MERTK: variants seen among roughly 807,000 people sequenced by gnomAD.
The protein encoded by MERTK is MER proto-oncogene, tyrosine kinase, also known as tyrosine-protein kinase Mer.
A neutral mutation model predicts 99.3 loss-of-function variants in MERTK; 69 were observed. That is an observed-to-expected ratio of 0.70 (90% CI 0.57 to 0.85). The LOEUF (loss-of-function observed/expected upper bound fraction) is 0.85. Among genes scored for constraint, MERTK ranks in the 40% least tolerant of loss-of-function variants. The pLI is 0.00. For missense variants in MERTK, 1,125 were observed against 1,249.4 expected (o/e 0.90, Z 1.50); for synonymous variants, 426 against 467.6 (o/e 0.91, Z 1.15).
At chr2:112,018,447 A>T (rs973465930) in intron 15 of MERTK, among the ~76,000 whole-genome samples, 8 of 152,340 alleles carry the variant, frequency 5.3e-5, no homozygotes, top group African/African-American at 1.9e-4. Context: ...AGATTAAGAC[A>T]TTTCATTTAT....
chr2:111,988,564 T>C (rs937380391), intron 8 of MERTK, among the ~76,000 whole-genome samples: 2 of 152,218 alleles, frequency 1.3e-5, no homozygotes, highest in Admixed American at 6.5e-5. Context: ...ACCTTGAACA[T>C]GATATAAGAA....
chr2:112,026,023 A>T (rs1677453749), intron 18 of MERTK: 1 of 153,106 alleles, frequency 6.5e-6, no homozygotes, highest in Admixed American at 6.5e-5. Flanking sequence ...GCAGAAAAAT[A>T]AAAATGACCA....
intron 4 of MERTK, among the ~76,000 whole-genome samples, chr2:111,950,127 G>A (rs920162296): frequency 1.3e-5 from 2 of 152,050 alleles, no homozygotes; most frequent in African/African-American, 2.4e-5. Flanking sequence ...GTAGAGACAG[G>A]GTTTCAGCAT....
chr2:111,925,292 A>ATTTTTTTTTTTTTTTT (rs11433691), intron 1 of MERTK, among the ~76,000 whole-genome samples: 1 of 24,498 alleles, frequency 4.1e-5, no homozygotes, highest in African/African-American at 1.4e-4. Context: ...ATATATATAT[A>ATTTTTTTTTTTTTTTT]TTTTTTTTTT....
chr2:111,901,110 T>A (rs951591807), intron 1 of MERTK, among the ~76,000 whole-genome samples: 1 of 152,196 alleles, frequency 6.6e-6, no homozygotes, highest in African/African-American at 2.4e-5. Context: ...CAGGAGCATT[T>A]CGAGGCTTTC....
chr2:111,907,937 A>T (rs1558766822), intron 1 of MERTK, among the ~76,000 whole-genome samples: 1 of 152,144 alleles, frequency 6.6e-6, no homozygotes, highest in Non-Finnish European at 1.5e-5. Flanking sequence ...GGACCCGTGG[A>T]CTCAATCTTT....
rs186902644 is a variant in MERTK, at chr2:111,942,617, G to A, written c.483-2343G>A. On this transcript the variant is annotated intron_variant, in intron 2 of 18. Coordinates refer to ENST00000295408, the MANE Select transcript of MERTK (RefSeq NM_006343.3). ...CCAGCCACTGCCCCAAAGCATGAAA[G>A]GATCTGGCCTTTCCTTGATCCCTGG... Among the ~76,000 whole-genome samples, 64 of 152,294 alleles carry A rather than the reference G, an allele frequency of 4.2e-4. 3 individuals carry two copies. Among genetic ancestry groups the A allele is most frequent in the Admixed American group, 3.9e-3 (60 of 15,290 alleles).
At chr2:111,998,485 C>T (rs1676798658) in intron 10 of MERTK, among the ~76,000 whole-genome samples, 1 of 152,080 alleles carries the variant, frequency 6.6e-6, no homozygotes. Flanking sequence ...TCATGGGGTT[C>T]ACAGTTCATG....
At chr2:111,902,808 C>CCCCCCCCCCCCT (rs1553443592) in intron 1 of MERTK, among the ~76,000 whole-genome samples, 1 of 143,940 alleles carries the variant, frequency 6.9e-6, no homozygotes, top group Non-Finnish European at 1.5e-5. Flanking sequence ...CTCCCTCCCT[C>CCCCCCCCCCCCT]TATTTCTTTA....
At chr2:112,022,569 G>A (rs370118499) in intron 18 of MERTK, 175 bp downstream of exon 18, 11 of 969,958 alleles carry the variant, frequency 1.1e-5, no homozygotes, top group East Asian at 7.2e-5. Flanking sequence ...CCTGATGTGG[G>A]AGATAGTGTG....
intron 2 of MERTK, among the ~76,000 whole-genome samples, chr2:111,942,085 C>T (rs1447683821): frequency 1.3e-5 from 2 of 152,220 alleles, no homozygotes; most frequent in East Asian, 1.9e-4. Flanking sequence ...ACCTCCCTCC[C>T]GGCCTTCACT....
intron 18 of MERTK, among the ~76,000 whole-genome samples, chr2:112,026,958 G>T (rs991562119): frequency 2.0e-5 from 3 of 150,692 alleles, no homozygotes; most frequent in Non-Finnish European, 4.4e-5. Flanking sequence ...GTCCAATGAC[G>T]TATGAATTAT....
Position 111,929,595 on chromosome 2 carries a change from T to TTTATTTATTTATTTATTTATTTATTTAC in MERTK, c.482+58_482+59insTTTATTTATTTATTTATTTATTTACTTA, listed in dbSNP as rs1219656385. ...TTTAGTTTTAATATTTATTTATTTATTTACTTATTGAGACAGAGTATCATT... is the reference window on the plus strand; with the variant it reads ...TTTAGTTTTAATATTTATTTATTTATTTATTTATTTATTTATTTATTTATTTACTTACTTATTGAGACAGAGTATCATT... On this transcript the variant is annotated intron_variant, in intron 2 of 18. Transcript: ENST00000295408. 8.6e-4 allele frequency: 1,093 copies of TTTATTTATTTATTTATTTATTTATTTAC among 1,275,458 alleles called. 9 individuals are homozygous for TTTATTTATTTATTTATTTATTTATTTAC. The African/African-American group carries it at 0.014, about 16-fold the overall frequency. 79.0% of individuals were successfully genotyped at this position (1,275,458 alleles called of 1,614,324 possible).
At position 111,918,120 on chromosome 2, in the gene MERTK, G is replaced by A. The variant is rs190612568; in HGVS notation, c.62-11000G>A. ...CTATATTCTGTTCTATGTGATTTTTGACTACTCTAAGTCAGAGTTTTGAAA... is the reference window on the plus strand; with the variant it reads ...CTATATTCTGTTCTATGTGATTTTTAACTACTCTAAGTCAGAGTTTTGAAA... On this transcript the variant is annotated intron_variant, in intron 1 of 18. Coordinates refer to ENST00000295408, the MANE Select transcript of MERTK (RefSeq NM_006343.3). Among the ~76,000 whole-genome samples the A allele has an allele frequency of 1.1e-3, 163 of 152,070 alleles. 1 individual carries two copies. Among genetic ancestry groups the A allele is most frequent in the Non-Finnish European group, 3.4e-4 (23 of 67,984 alleles).
intron 18 of MERTK, among the ~76,000 whole-genome samples, chr2:112,026,782 C>T (rs910921217): frequency 6.6e-6 from 1 of 152,148 alleles, no homozygotes; most frequent in Non-Finnish European, 1.5e-5. Context: ...TATACATCTA[C>T]GTGAATGAGA....
chr2:111,913,155 T>C (rs58641606), intron 1 of MERTK: 201,781 of 840,160 alleles, frequency 0.24, 25,224 homozygotes, highest in South Asian at 0.32. Flanking sequence ...AGGACCTCTA[T>C]GCCAGGAATC....
intron 18 of MERTK, among the ~76,000 whole-genome samples, chr2:112,025,500 A>C (rs898137775): frequency 2.4e-4 from 36 of 151,930 alleles, no homozygotes; most frequent in African/African-American, 8.0e-4. Flanking sequence ...CACCTTCCCC[A>C]TCTCAGAAAC....
In MERTK at chr2:112,019,429, C is replaced by T; in HGVS notation, c.2096C>T (p.Thr699Ile). ...ATCATCTAGCATATTCCTCTGCAGA[C>T]ACTATTGAAGTTCATGGTGGATATT... is the stretch of plus-strand genomic sequence containing the variant. The part of the protein sequence containing the change: ...ETGPKHIPLQ[T>I]LLKFMVDIAL... Residue 699 changes from threonine (T) to isoleucine (I), a missense_variant, in exon 16 of 19, where the codon ACA becomes ATA. Thr to Ile is a moderately conservative substitution (Grantham distance 89, BLOSUM62 -1). Transcript: ENST00000295408. 22 of 1,611,860 alleles carry T rather than the reference C, an allele frequency of 1.4e-5. No individual in the cohort carries two copies. Among genetic ancestry groups the T allele is most frequent in the Non-Finnish European group, 1.8e-5 (21 of 1,178,036 alleles).
intron 4 of MERTK, among the ~76,000 whole-genome samples, chr2:111,949,645 G>A (rs940260186): frequency 5.9e-5 from 9 of 152,148 alleles, no homozygotes; most frequent in African/African-American, 1.9e-4. Context: ...GTACAACTCA[G>A]TGAGTTTTCC....
Sources: allele counts gnomAD v4.1 joint callset (sites outside exome capture counted in the v4.1 genomes callset), GRCh38; gene constraint gnomAD v4.1.1; transcripts MANE v1.5; gene names NCBI Gene and HGNC (gene_info 2026-07-23, HGNC 2026-07-21).